RIBC1: variants seen among roughly 807,000 people sequenced by gnomAD.
RIBC1 encodes RIB43A domain with coiled-coils 1.
A neutral mutation model predicts 33.7 loss-of-function variants in RIBC1; 12 were observed. That is an observed-to-expected ratio of 0.36 (90% CI 0.23 to 0.58). RIBC1 has a LOEUF of 0.58. Ranked by LOEUF, RIBC1 falls within the 20% of genes least tolerant of loss-of-function variation. The pLI, the probability that RIBC1 is intolerant of heterozygous loss-of-function variation, is 0.81. For missense variants in RIBC1, 242 were observed against 311.6 expected (o/e 0.78, Z 1.68); for synonymous variants, 89 against 109.0 (o/e 0.82, Z 1.14).
In RIBC1 at chrX:53,426,394, G is replaced by C; in HGVS notation, c.117+1G>C. On this transcript the variant is annotated splice_donor_variant, in intron 3 of 7. Transcript: ENST00000375327. LOFTEE classifies it high-confidence loss of function. Reference sequence around the variant, plus strand: ...CAATGTGCGGAACCGAGTCATGGGGGTGAGTGGGTAGTAGGGACTGTTGCT... The same window carrying C: ...CAATGTGCGGAACCGAGTCATGGGGCTGAGTGGGTAGTAGGGACTGTTGCT... 1 of 1,151,159 alleles carries C rather than the reference G, an allele frequency of 8.7e-7. No individual in the cohort carries two copies. The highest frequency in any genetic ancestry group is 1.9e-5 in the South Asian group (1 of 54,033). 94.9% of individuals were successfully genotyped at this position (1,151,159 alleles called of 1,213,427 possible).
At chrX:53,429,995 C>G in intron 6 of RIBC1, 23 bp downstream of exon 6, 1 of 1,131,836 alleles carries the variant, frequency 8.8e-7, no homozygotes, top group Non-Finnish European at 1.2e-6. Flanking sequence ...CCATGCAGTA[C>G]CTTGGGCTCT....
chrX:53,430,478 C>T lies in RIBC1; in HGVS notation c.746C>T (p.Thr249Met), dbSNP rs782472869. 2 of 1,208,944 alleles carry T rather than the reference C, an allele frequency of 1.7e-6. No homozygotes were observed. Residue 249 changes from threonine to methionine, a missense_variant, in exon 7 of 8, where the codon ACG becomes ATG. Physicochemically the swap from Thr to Met is moderately conservative, Grantham distance 81 (BLOSUM62 -1). Coordinates refer to ENST00000375327, the MANE Select transcript of RIBC1 (RefSeq NM_001031745.5). ...CTTGCGGAGATCCAGCACCAGAGCA[C>T]GAGTGACCTACTGACTGAAAACCCC... Reference protein sequence around the residue: ...ANLAEIQHQSTSDLLTENPQV... With the variant: ...ANLAEIQHQSMSDLLTENPQV...
chrX:53,427,977 G>C (rs781965045), intron 3 of RIBC1, 26 bp from the exon 4 acceptor site: 4 of 1,189,610 alleles, frequency 3.4e-6, no homozygotes, highest in South Asian at 3.6e-5. Context: ...CCCCTACTCT[G>C]ATTGTGCTCC....
At position 53,430,527 on chromosome X, in the gene RIBC1, T is replaced by C; in HGVS notation, c.795T>C (p.Ala265=). The change falls in exon 7 of 8, where the codon GCT becomes GCC. Residue 265 remains alanine (A), a synonymous_variant. Transcript: ENST00000375327. ...CCCAGGTCGCCCAACACCCTATGGC[T>C]CCCTACCGGGTCCTGCCCTATTGCT... ...ENPQVAQHPM[A]PYRVLPYCWK... 1 of 1,208,589 alleles carries C rather than the reference T, an allele frequency of 8.3e-7. No individual in the cohort carries two copies. The highest frequency in any genetic ancestry group is 3.0e-5 in the East Asian group (1 of 33,724).
In RIBC1 at chrX:53,430,580, C is replaced by G; in HGVS notation, c.848C>G (p.Ala283Gly). The G allele has an allele frequency of 8.3e-7, 1 of 1,206,444 alleles. No individual in the cohort carries two copies. The highest frequency in any genetic ancestry group is 3.0e-5 in the East Asian group (1 of 33,683). Residue 283 changes from alanine to glycine, a missense_variant, in exon 7 of 8, where the codon GCT (alanine) becomes GGT (glycine). Transcript: ENST00000375327. Reference sequence around the variant, plus strand: ...AAGGGCATGACTCCAGAGCAGCAAGCTGCCATCAGGAAAGAGCAGGAAGTA... The same window carrying G: ...AAGGGCATGACTCCAGAGCAGCAAGGTGCCATCAGGAAAGAGCAGGAAGTA... ...CWKGMTPEQQ[A>G]AIRKEQEVQR...
rs782496548 is a variant in RIBC1 at position 53,422,969 on chromosome X, TCA to T, written c.-122_-121del. 4.0e-6 allele frequency: 1 copy of T among 253,146 alleles called. No individual in the cohort carries two copies. The allele number at this position is 253,146 out of a possible 1,213,427, so 20.9% of individuals were successfully genotyped here. A position where few individuals can be genotyped will look rare whatever the true frequency, so the allele number is the denominator to read the frequency against. On this transcript the variant is annotated 5_prime_UTR_variant, in exon 1 of 8. Coordinates refer to ENST00000375327, the MANE Select transcript of RIBC1 (RefSeq NM_001031745.5). Reference sequence around the variant, plus strand: ...GAGCTCACGCTTGCTGAGACAGAAGTCACAGCAGGATTATGCCCCTCAGGGCA... The same window carrying T: ...GAGCTCACGCTTGCTGAGACAGAAGTCAGCAGGATTATGCCCCTCAGGGCA...
intron 3 of RIBC1, among the ~76,000 whole-genome samples, chrX:53,427,229 A>AT (rs1158227355): frequency 8.9e-6 from 1 of 112,378 alleles, no homozygotes; most frequent in Admixed American, 9.5e-5. Context: ...CCCCGTAAGT[A>AT]TTTAAGGCCA....
chrX:53,428,392 G>A lies in RIBC1; in HGVS notation c.309G>A (p.Gln103=). Residue 103 remains glutamine, a synonymous_variant, in exon 5 of 8, where the codon CAG becomes CAA. Transcript: ENST00000375327. ...TCCAGGAGTTTCGGGAGCAGAAGCA[G>A]CAGCTCAAGAACGGGCGTGAATTTA... ...KKVQEFREQK[Q]QLKNGREFSL... is the part of the protein sequence containing the mutation. 8.3e-7 allele frequency: 1 copy of A among 1,211,528 alleles called. No individual in the cohort carries two copies. Among genetic ancestry groups the A allele is most frequent in the Admixed American group, 2.2e-5 (1 of 46,055 alleles).
intron 5 of RIBC1, chrX:53,428,862 A>AGAC: frequency 2.0e-6 from 2 of 1,013,461 alleles, no homozygotes; most frequent in Non-Finnish European, 2.5e-6. Context: ...AGCACAGTGC[A>AGAC]GACAGACCTA....
chrX:53,426,567 T>C (rs1009169851), intron 3 of RIBC1, among the ~76,000 whole-genome samples, 174 bp downstream of exon 3: 1 of 111,297 alleles, frequency 9.0e-6, no homozygotes, highest in South Asian at 3.8e-4. Flanking sequence ...TGGGAAGAGC[T>C]TGGGAAGAGG....
intron 5 of RIBC1, chrX:53,428,865 C>T (rs782651899): frequency 2.1e-5 from 21 of 1,007,818 alleles, no homozygotes; most frequent in Non-Finnish European, 2.5e-5. Context: ...ACAGTGCAGA[C>T]AGACCTAATG....
chrX:53,430,412 GGCGTCAGCGCTGTGA>G lies in RIBC1; in HGVS notation c.690_704del (p.Cys231_Arg235del). 8.3e-7 allele frequency: 1 copy of G among 1,210,074 alleles called. No homozygotes were observed. Among genetic ancestry groups the G allele is most frequent in the Non-Finnish European group, 1.1e-6 (1 of 894,255 alleles). ...CTCCACCAGGCAGCTGTGCAGGCTG[GGCGTCAGCGCTGTGA>G]GCGTCAGCGTGAACAGAAGGCCAAC... On this transcript the variant is annotated inframe_deletion, in exon 7 of 8. Coordinates refer to ENST00000375327, the MANE Select transcript of RIBC1 (RefSeq NM_001031745.5).
rs1466623946 is a variant in RIBC1, at chrX:53,431,067, A to G, written c.*79A>G. On this transcript the variant is annotated 3_prime_UTR_variant, in exon 8 of 8. Transcript: ENST00000375327. ...TAGGAGTCAAAGAGAAAAATGCTGC[A>G]TACTCCCACCTTCTAACCTAGGTAA... 2 of 1,188,340 alleles carry G rather than the reference A, an allele frequency of 1.7e-6. No individual in the cohort carries two copies. The highest frequency in any genetic ancestry group is 6.0e-5 in the East Asian group (2 of 33,551).
At chrX:53,429,819 C>T (rs782233141) in intron 5 of RIBC1, 35 bp from the exon 6 acceptor site, 1 of 1,195,714 alleles carries the variant, frequency 8.4e-7, no homozygotes, top group Non-Finnish European at 1.1e-6. Flanking sequence ...ATGGAGCAAG[C>T]CAGTACAGTA....
rs1556893175 is a variant in RIBC1, at chrX:53,426,305, C to T, written c.29C>T (p.Thr10Ile). Residue 10 changes from threonine to isoleucine, a missense_variant, in exon 3 of 8, where the codon ACC (threonine) becomes ATC (isoleucine). Coordinates refer to ENST00000375327, the MANE Select transcript of RIBC1 (RefSeq NM_001031745.5). Reference protein sequence around the residue: MYNIKQSTDTKEAAAIEARR... With the variant: MYNIKQSTDIKEAAAIEARR... Reference sequence around the variant, plus strand: ...TATAACATAAAACAGTCAACAGATACCAAGGAAGCAGCAGCCATCGAGGCT... The same window carrying T: ...TATAACATAAAACAGTCAACAGATATCAAGGAAGCAGCAGCCATCGAGGCT... 8.3e-7 allele frequency: 1 copy of T among 1,208,484 alleles called. No homozygotes were observed. Among genetic ancestry groups the T allele is most frequent in the East Asian group, 3.0e-5 (1 of 33,828 alleles).
chrX:53,428,119 TA>T (rs782107696), intron 4 of RIBC1, 35 bp downstream of exon 4: 18 of 1,198,459 alleles, frequency 1.5e-5, no homozygotes, highest in Non-Finnish European at 2.0e-5. Flanking sequence ...GACAAGGGTG[TA>T]AAGAAAGAGC....
At position 53,426,420 on chromosome X, in the gene RIBC1, C is replaced by T. The variant is rs146558846; in HGVS notation, c.117+27C>T. 5,099 of 993,043 alleles carry T rather than the reference C, an allele frequency of 5.1e-3. 12 individuals are homozygous for T. Among genetic ancestry groups the T allele is most frequent in the Non-Finnish European group, 6.0e-3 (4,251 of 706,567 alleles). 81.8% of individuals were successfully genotyped at this position (993,043 alleles called of 1,213,427 possible). ...TGAGTGGGTAGTAGGGACTGTTGCT[C>T]AGGATCAGGGCCACCTCACTCTTAC... On this transcript the variant is annotated intron_variant, in intron 3 of 7. Coordinates refer to ENST00000375327, the MANE Select transcript of RIBC1 (RefSeq NM_001031745.5).
Position 53,428,340 on chromosome X carries a change from A to G in RIBC1, c.257A>G (p.Asp86Gly). The G allele has an allele frequency of 8.3e-7, 1 of 1,212,033 alleles. No homozygotes were observed. The part of the protein sequence containing the change: ...VVQMLEKEEA[D>G]RTRQLAKKVQ... Reference sequence around the variant, plus strand: ...CAGATGTTAGAGAAGGAAGAGGCAGATCGAACACGTCAGCTGGCCAAGAAA... The same window carrying G: ...CAGATGTTAGAGAAGGAAGAGGCAGGTCGAACACGTCAGCTGGCCAAGAAA... Residue 86 changes from aspartate to glycine, a missense_variant, in exon 5 of 8, where the codon GAT (aspartate) becomes GGT (glycine). Physicochemically the swap from Asp to Gly is moderately conservative, Grantham distance 94. Coordinates refer to ENST00000375327, the MANE Select transcript of RIBC1 (RefSeq NM_001031745.5).
Position 53,430,357 on chromosome X carries a change from GTTGGGCACCCAAATGTTTGCAT to G in RIBC1, c.664-33_664-12del. 1 of 1,144,214 alleles carries G rather than the reference GTTGGGCACCCAAATGTTTGCAT, an allele frequency of 8.7e-7. No individual in the cohort carries two copies. The allele number at this position is 1,144,214 out of a possible 1,213,427, so 94.3% of individuals were successfully genotyped here. On this transcript the variant is annotated splice_polypyrimidine_tract_variant and intron_variant, in intron 6 of 7. Coordinates refer to ENST00000375327, the MANE Select transcript of RIBC1 (RefSeq NM_001031745.5). ...CTCCCCTGTGACAGAGTTCCCTGAG[GTTGGGCACCCAAATGTTTGCAT>G]TTGGGGGCTCCACCAGGCAGCTGTG...
Sources: gnomAD v4.1 joint callset for allele counts (sites outside exome capture counted in the v4.1 genomes callset) on GRCh38, gnomAD v4.1.1 for gene constraint, MANE v1.5 for transcripts, NCBI Gene and HGNC (gene_info 2026-07-23, HGNC 2026-07-21) for gene names.